LPIN2: variants seen among roughly 807,000 people sequenced by gnomAD.
The protein encoded by LPIN2 is phosphatidate phosphatase LPIN2.
LPIN2 carries 55 observed loss-of-function variants against 111.4 expected under a neutral mutation model. The observed-to-expected ratio is 0.49, with a 90% confidence interval of 0.40 to 0.62. The LOEUF is 0.62. LPIN2 is among the 20% of genes least tolerant of loss of function. LPIN2 has a pLI of 0.00. For missense variants in LPIN2, 992 were observed against 1,112.1 expected (o/e 0.89, Z 1.54); for synonymous variants, 425 against 414.0 (o/e 1.03, Z -0.32).
rs764849165 is a variant in LPIN2 at position 2,937,984 on chromosome 18, T to C, written c.876A>G (p.Pro292=). Residue 292 remains proline, a synonymous_variant, in exon 7 of 20, where the codon CCA becomes CCG. Transcript: ENST00000677752. ...DHHPRTATIT[P]SENTHFRVIP... is the part of the protein sequence containing the mutation. Reference sequence around the variant, plus strand: ...TTACCCGAAAATGAGTATTTTCTGATGGTGTAATTGTAGCTGTCCTAGGAT... The same window carrying C: ...TTACCCGAAAATGAGTATTTTCTGACGGTGTAATTGTAGCTGTCCTAGGAT... 1 of 1,614,196 alleles carries C rather than the reference T, an allele frequency of 6.2e-7. No homozygotes were observed. The highest frequency in any genetic ancestry group is 1.1e-5 in the South Asian group (1 of 91,082).
At chr18:3,012,654 G>A (rs975427444) in intron 1 of LPIN2, among the ~76,000 whole-genome samples, 3 of 152,160 alleles carry the variant, frequency 2.0e-5, no homozygotes, top group East Asian at 3.9e-4. Flanking sequence ...AGGGCCGGGG[G>A]CGGGATGGAG....
At chr18:2,974,576 T>C (rs1041095835) in intron 1 of LPIN2, among the ~76,000 whole-genome samples, 2 of 152,262 alleles carry the variant, frequency 1.3e-5, no homozygotes, top group African/African-American at 4.8e-5. Context: ...TTTTAAACAT[T>C]GTATATCCTC....
At position 2,924,470 on chromosome 18, in the gene LPIN2, C is replaced by A; in HGVS notation, c.2015G>T (p.Cys672Phe). The A allele has an allele frequency of 6.2e-7, 1 of 1,614,138 alleles. No individual in the cohort carries two copies. Among genetic ancestry groups the A allele is most frequent in the Non-Finnish European group, 8.5e-7 (1 of 1,179,968 alleles). Residue 672 changes from cysteine to phenylalanine, a missense_variant, in exon 15 of 20, where the codon TGT (cysteine) becomes TTT (phenylalanine). Physicochemically the swap from Cys to Phe is radical, Grantham distance 205 (BLOSUM62 -2). Transcript: ENST00000677752. ...GTTCCACAGGTAAATGGTCCCTGCA[C>A]AGCGACAGGTGCCTTGATACTGGGT... The part of the protein sequence containing the change: ...ITTQYQGTCR[C>F]AGTIYLWNWN...
chr18:2,986,208 C>G (rs1054485820), intron 1 of LPIN2, among the ~76,000 whole-genome samples: 1 of 152,248 alleles, frequency 6.6e-6, no homozygotes, highest in Non-Finnish European at 1.5e-5. Context: ...ATTCCTCTTG[C>G]TACCACTCTT....
chr18:2,953,985 T>C (rs934484953), intron 3 of LPIN2, among the ~76,000 whole-genome samples: 1 of 152,166 alleles, frequency 6.6e-6, no homozygotes, highest in African/African-American at 2.4e-5. Context: ...AAGTCAAACA[T>C]GTAATCACTT....
At position 2,917,135 on chromosome 18, in the gene LPIN2, T is replaced by C. The variant is rs1057298115; in HGVS notation, c.*3158A>G. 1 of 152,238 alleles carries C rather than the reference T, an allele frequency of 6.6e-6. No homozygotes were observed. Among genetic ancestry groups the C allele is most frequent in the Non-Finnish European group, 1.5e-5 (1 of 68,034 alleles). The allele number at this position is 152,238 out of a possible 1,614,324, so 9.4% of individuals were successfully genotyped here. ...GTACTGATGATGTTTACAATTAACT[T>C]TGGACAACTTAAAACTTATTAGTGA... On this transcript the variant is annotated 3_prime_UTR_variant, in exon 20 of 20. Coordinates refer to ENST00000677752, the MANE Select transcript of LPIN2 (RefSeq NM_001375808.2).
Position 2,983,836 on chromosome 18 carries a change from T to C in LPIN2, c.-9-22987A>G, listed in dbSNP as rs548425428. Among the ~76,000 whole-genome samples the C allele has an allele frequency of 1.2e-4, 18 of 152,312 alleles. 1 individual carries two copies. In the South Asian group the frequency reaches 2.1e-3, roughly 18 times the overall value. ...TTTTAAAATGTGATTACTAGAAAAT[T>C]TGAAATTACACATGTGGCTCACATT... On this transcript the variant is annotated intron_variant, in intron 1 of 19. Transcript: ENST00000677752.
At chr18:3,007,611 T>A (rs2143504249) in intron 1 of LPIN2, among the ~76,000 whole-genome samples, 1 of 152,272 alleles carries the variant, frequency 6.6e-6, no homozygotes, top group South Asian at 2.1e-4. Context: ...ATATCCCCTA[T>A]AATGCTTCAA....
intron 1 of LPIN2, chr18:2,979,104 A>C (rs1260300371): frequency 6.6e-6 from 1 of 152,392 alleles, no homozygotes; most frequent in African/African-American, 2.4e-5. Flanking sequence ...GGGCCTCCCA[A>C]AGTGCAGGAT....
intron 1 of LPIN2, among the ~76,000 whole-genome samples, chr18:2,971,392 G>A (rs1321546228): frequency 2.6e-5 from 4 of 152,162 alleles, no homozygotes; most frequent in Admixed American, 2.6e-4. Context: ...GAGGTCACAA[G>A]ATGGGATCTG....
At chr18:2,937,571 A>AAAAT in intron 7 of LPIN2, 121 bp downstream of exon 7, 2 of 591,232 alleles carry the variant, frequency 3.4e-6, no homozygotes, top group Non-Finnish European at 5.7e-6. Flanking sequence ...AAAAAAAAAA[A>AAAAT]GTGCGACGGG....
At chr18:2,994,640 G>A (rs1448939340) in intron 1 of LPIN2, among the ~76,000 whole-genome samples, 1 of 152,136 alleles carries the variant, frequency 6.6e-6, no homozygotes, top group Admixed American at 6.5e-5. Context: ...TTTAGATACA[G>A]GTTTTCTCAG....
chr18:3,003,498 A>T (rs1292221297), intron 1 of LPIN2, among the ~76,000 whole-genome samples: 2 of 152,226 alleles, frequency 1.3e-5, no homozygotes, highest in Non-Finnish European at 2.9e-5. Context: ...TAAATTGTGA[A>T]GATTTCATGG....
At chr18:2,990,807 A>C in intron 1 of LPIN2, 1 of 387,268 alleles carries the variant, frequency 2.6e-6, no homozygotes, top group South Asian at 2.0e-5. Flanking sequence ...TTGCACTTCA[A>C]CAAGGAAAGA....
At position 2,920,136 on chromosome 18, in the gene LPIN2, A is replaced by G. The variant is rs1029593854; in HGVS notation, c.*157T>C. ...AGCTGCAGACCTGCCGAGCCTGAGC[A>G]GCTGGCCTGGGAAGGCAAAGGAGGA... On this transcript the variant is annotated 3_prime_UTR_variant, in exon 20 of 20. Coordinates refer to ENST00000677752, the MANE Select transcript of LPIN2 (RefSeq NM_001375808.2). The G allele has an allele frequency of 4.2e-6, 4 of 945,826 alleles. No homozygotes were observed. The Admixed American group carries it at 8.1e-5, about 19-fold the overall frequency. The allele number at this position is 945,826 out of a possible 1,614,324, so 58.6% of individuals were successfully genotyped here.
At chr18:2,943,012 G>GC (rs2077387248) in intron 4 of LPIN2, among the ~76,000 whole-genome samples, 1 of 152,324 alleles carries the variant, frequency 6.6e-6, no homozygotes, top group Admixed American at 6.5e-5. Context: ...TGTGAACAGG[G>GC]CACTCCAGCC....
intron 2 of LPIN2, among the ~76,000 whole-genome samples, chr18:2,956,314 GT>G (rs1568568681): frequency 2.6e-4 from 9 of 35,104 alleles, no homozygotes; most frequent in Non-Finnish European, 8.4e-4. Context: ...ATGCAGGGGT[GT>G]GTGTGTGTGT....
chr18:2,951,066 G>T lies in LPIN2; in HGVS notation c.579C>A (p.Ala193=). ...GCTGAGAGTCCTACCGTGCTGCCTG[G>T]GCCCCCTTGTCATCATCGGAGCTCA... ...VGVSSDDDKG[A]QAARGSSNAS... The change falls in exon 4 of 20, where the codon GCC becomes GCA. Residue 193 remains alanine, a synonymous_variant. Coordinates refer to ENST00000677752, the MANE Select transcript of LPIN2 (RefSeq NM_001375808.2). 2 of 1,614,038 alleles carry T rather than the reference G, an allele frequency of 1.2e-6. No individual in the cohort carries two copies. The highest frequency in any genetic ancestry group is 1.7e-6 in the Non-Finnish European group (2 of 1,180,018).
At chr18:2,972,926 T>C (rs2077945713) in intron 1 of LPIN2, among the ~76,000 whole-genome samples, 1 of 152,218 alleles carries the variant, frequency 6.6e-6, no homozygotes, top group Non-Finnish European at 1.5e-5. Flanking sequence ...GTACATGAGG[T>C]GACAGATGCT....
Sources: allele counts gnomAD v4.1 joint callset (sites outside exome capture counted in the v4.1 genomes callset), GRCh38; gene constraint gnomAD v4.1.1; transcripts MANE v1.5; gene names NCBI Gene and HGNC (gene_info 2026-07-23, HGNC 2026-07-21).